ERG: variants seen among roughly 807,000 people sequenced by gnomAD.
ERG encodes transcriptional regulator ERG.
In ERG, 9 loss-of-function variants were observed where a neutral mutation model predicts 55.3. That is an observed-to-expected ratio of 0.16 (90% confidence interval 0.10 to 0.28). The LOEUF (loss-of-function observed/expected upper bound fraction) is 0.28. Among genes scored for constraint, ERG ranks in the 10% least tolerant of loss-of-function variants. The pLI, the probability that ERG is intolerant of heterozygous loss-of-function variation, is 1.00. For missense variants in ERG, 434 were observed against 631.6 expected, an observed-to-expected ratio of 0.69 and a Z score of 3.35; for synonymous variants, 223 against 237.3, an observed-to-expected ratio of 0.94 and a Z score of 0.55.
chr21:38,503,768 A>G (rs754619705), intron 2 of ERG, among the ~76,000 whole-genome samples: 3 of 152,140 alleles, frequency 2.0e-5, no homozygotes, highest in Admixed American at 1.3e-4. Context: ...CATGCCTGAG[A>G]TTGTAGATAA....
chr21:38,503,332 T>G (rs1400195456), upstream of ERG, among the ~76,000 whole-genome samples: 1 of 152,010 alleles, frequency 6.6e-6, no homozygotes, highest in Non-Finnish European at 1.5e-5. Flanking sequence ...CCCAAATGCC[T>G]GTTCTTTTTT....
intron 2 of ERG, among the ~76,000 whole-genome samples, chr21:38,547,051 T>C (rs1364654765): frequency 1.3e-5 from 2 of 152,124 alleles, no homozygotes; most frequent in Non-Finnish European, 2.9e-5. Flanking sequence ...CCATTTCCTT[T>C]GAGTGGGAAT....
the ERG span, among the ~76,000 whole-genome samples, chr21:38,370,007 G>A: frequency 6.6e-6 from 1 of 152,120 alleles, no homozygotes; most frequent in East Asian, 1.9e-4. Flanking sequence ...GTACCATGCT[G>A]TTTTGGTTAC....
intron 3 of ERG, among the ~76,000 whole-genome samples, chr21:38,408,523 C>T (rs1052248635): frequency 1.3e-5 from 2 of 152,222 alleles, no homozygotes; most frequent in African/African-American, 4.8e-5. Context: ...TCTCTGCTCA[C>T]ACTGAACTCC....
At chr21:38,543,043 C>T (rs545230358) in intron 2 of ERG, among the ~76,000 whole-genome samples, 12 of 152,036 alleles carry the variant, frequency 7.9e-5, no homozygotes, top group African/African-American at 2.9e-4. Flanking sequence ...AGATGGGTGG[C>T]CCACCGGAGA....
chr21:38,424,187 G>GTCTCT (rs1569087250), intron 2 of ERG, among the ~76,000 whole-genome samples: 8,084 of 109,924 alleles, frequency 0.074, 747 homozygotes, highest in African/African-American at 0.17. Flanking sequence ...CAGAGCTCGA[G>GTCTCT]CTCTCTCTCT....
In ERG at chr21:38,431,158, G is replaced by A. The variant is rs566402144; in HGVS notation, c.237-7597C>T. Among the ~76,000 whole-genome samples, 14 of 152,318 alleles carry A rather than the reference G, an allele frequency of 9.2e-5. 1 individual carries two copies. In the South Asian group the frequency reaches 1.4e-3, roughly 16 times the overall value. On this transcript the variant is annotated intron_variant, in intron 2 of 9. Transcript: ENST00000288319. ...ATTAATGAGAAAAGGACACGGCAAA[G>A]AATATCAAATACATTGGAAATTTTG... is the stretch of plus-strand genomic sequence containing the variant.
upstream of ERG, among the ~76,000 whole-genome samples, chr21:38,586,930 C>T (rs547202363): frequency 6.6e-6 from 1 of 152,252 alleles, no homozygotes; most frequent in African/African-American, 2.4e-5. Flanking sequence ...AAAAGTGGTG[C>T]ACATACACAA....
intron 1 of ERG, among the ~76,000 whole-genome samples, chr21:38,659,673 AAT>A (rs1435602158): frequency 2.6e-5 from 4 of 152,276 alleles, no homozygotes; most frequent in African/African-American, 9.6e-5. Context: ...AGCACATACG[AAT>A]ATGTTATTTT....
intron 3 of ERG, among the ~76,000 whole-genome samples, chr21:38,415,949 C>T (rs1989261405): frequency 6.6e-6 from 1 of 152,182 alleles, no homozygotes; most frequent in Non-Finnish European, 1.5e-5. Flanking sequence ...TCTAATAGAA[C>T]AGACAGGCTT....
intron 2 of ERG, among the ~76,000 whole-genome samples, chr21:38,527,969 CAGCTCTG>C (rs1192444262): frequency 6.6e-6 from 1 of 152,220 alleles, no homozygotes; most frequent in Non-Finnish European, 1.5e-5. Flanking sequence ...TATTTTCTCA[CAGCTCTG>C]AGGTCGAAAG....
intron 2 of ERG, among the ~76,000 whole-genome samples, chr21:38,508,425 G>A (rs1209164390): frequency 1.3e-5 from 2 of 152,136 alleles, no homozygotes; most frequent in East Asian, 3.9e-4. Flanking sequence ...CTGTAAGAAC[G>A]AATGAATGAA....
chr21:38,635,333 A>T (rs2060381772), intron 1 of ERG, among the ~76,000 whole-genome samples: 1 of 152,190 alleles, frequency 6.6e-6, no homozygotes, highest in African/African-American at 2.4e-5. Flanking sequence ...AAAACATACA[A>T]CACCAAGAGC....
At chr21:38,628,240 A>C (rs2060337019) in intron 1 of ERG, among the ~76,000 whole-genome samples, 1 of 152,162 alleles carries the variant, frequency 6.6e-6, no homozygotes, top group South Asian at 2.1e-4. Flanking sequence ...GTGAGCCACC[A>C]TACACAGCCT....
chr21:38,612,592 T>C (rs1293626826), intron 1 of ERG, among the ~76,000 whole-genome samples: 3 of 151,826 alleles, frequency 2.0e-5, no homozygotes, highest in Admixed American at 2.0e-4. Flanking sequence ...TAAGTCTTCA[T>C]GAAAAACAGA....
intron 2 of ERG, among the ~76,000 whole-genome samples, chr21:38,569,573 C>T (rs1245687960): frequency 1.3e-5 from 2 of 152,290 alleles, no homozygotes; most frequent in South Asian, 2.1e-4. Flanking sequence ...GCAAATAGTA[C>T]ACACAAAACA....
At chr21:38,407,441 AATTCAGAGGGAG>A (rs1278207171) in intron 3 of ERG, among the ~76,000 whole-genome samples, 1 of 151,958 alleles carries the variant, frequency 6.6e-6, no homozygotes, top group Non-Finnish European at 1.5e-5. Context: ...CACAGAAAGA[AATTCAGAGGGAG>A]ATACAGCAAA....
intron 2 of ERG, among the ~76,000 whole-genome samples, chr21:38,574,341 C>A (rs2059981684): frequency 6.6e-6 from 1 of 152,166 alleles, no homozygotes; most frequent in East Asian, 1.9e-4. Context: ...TTGATAAACA[C>A]AACCATCATA....
At chr21:38,482,798 C>G (rs1015364497) in intron 1 of ERG, among the ~76,000 whole-genome samples, 1 of 152,014 alleles carries the variant, frequency 6.6e-6, no homozygotes, top group East Asian at 1.9e-4. Flanking sequence ...CTGTCTTAGC[C>G]TCCCACATAG....
Sources: allele counts gnomAD v4.1 joint callset (sites outside exome capture counted in the v4.1 genomes callset), GRCh38; gene constraint gnomAD v4.1.1; transcripts MANE v1.5; gene names NCBI Gene and HGNC (gene_info 2026-07-23, HGNC 2026-07-21).